Variants in EVC observed in about 807,000 individuals in gnomAD.
EVC encodes evC complex member EVC.
Under a neutral mutation model 118.9 loss-of-function variants are expected in EVC, and 116 were observed. That is an observed-to-expected ratio of 0.98 (90% CI 0.84 to 1.14). The LOEUF (loss-of-function observed/expected upper bound fraction) is 1.14, where lower values mean the gene tolerates loss of function less well. EVC is among the 50% of genes most tolerant of loss of function. EVC has a pLI of 0.00. For synonymous variants in EVC, 619 were observed against 534.7 expected (o/e 1.16, Z -2.18); for missense variants, 1,401 against 1,246.4 (o/e 1.12, Z -1.87).
intron 12 of EVC, among the ~76,000 whole-genome samples, chr4:5,785,860 C>T (rs533333711): frequency 6.6e-6 from 1 of 152,284 alleles, no homozygotes; most frequent in South Asian, 2.1e-4. Flanking sequence ...CTATTCATTC[C>T]AAATCCTAGG....
Position 5,731,078 on chromosome 4 carries a change from G to A in EVC, c.385-347G>A, listed in dbSNP as rs973166429. Among the ~76,000 whole-genome samples the A allele has an allele frequency of 7.9e-5, 12 of 152,170 alleles. No individual in the cohort carries two copies. In the East Asian group the frequency reaches 2.3e-3, roughly 30 times the overall value. On this transcript the variant is annotated intron_variant, in intron 3 of 20. Coordinates refer to ENST00000264956, the MANE Select transcript of EVC (RefSeq NM_153717.3). The surrounding 1 kb of genome is among the most constrained non-coding windows in gnomAD (Gnocchi z 5.6). ...GGGGTCAGCAGCAAGGAGAGAACTG[G>A]GTCAGGGCAAGCGGTGGCTATGGAG...
At chr4:5,770,093 T>A (rs912483713) in intron 11 of EVC, among the ~76,000 whole-genome samples, 1 of 152,016 alleles carries the variant, frequency 6.6e-6, no homozygotes, top group African/African-American at 2.4e-5. Context: ...AGCTTCTGGG[T>A]GTCCTCTCCT....
chr4:5,773,374 C>T (rs540347308), intron 11 of EVC, among the ~76,000 whole-genome samples: 39 of 152,206 alleles, frequency 2.6e-4, no homozygotes, highest in African/African-American at 9.2e-4. Context: ...CTCCATGTCC[C>T]TCCCATCTTC....
At chr4:5,781,271 T>C (rs540074838) in intron 11 of EVC, among the ~76,000 whole-genome samples, 3 of 151,996 alleles carry the variant, frequency 2.0e-5, no homozygotes, top group African/African-American at 7.2e-5. Flanking sequence ...AGCACGTGCT[T>C]GGTTGGGGAG....
rs1730950673 is a variant in EVC, at chr4:5,755,036, G to A, written c.1464+1103G>A. Among the ~76,000 whole-genome samples, 1 of 152,102 alleles carries A rather than the reference G, an allele frequency of 6.6e-6. No homozygotes were observed. Among genetic ancestry groups the A allele is most frequent in the Non-Finnish European group, 1.5e-5 (1 of 67,982 alleles). ...CCAATGGAGGGGTCCCCCGAGAACAGAGGACAGGCCTCTAGGTCCCTGGTC... is the reference window on the plus strand; with the variant it reads ...CCAATGGAGGGGTCCCCCGAGAACAAAGGACAGGCCTCTAGGTCCCTGGTC... On this transcript the variant is annotated intron_variant, in intron 10 of 20. Coordinates refer to ENST00000264956, the MANE Select transcript of EVC (RefSeq NM_153717.3). This position sits in a 1 kb window ranked among gnomAD's most constrained non-coding sequence, Gnocchi z 4.1.
At chr4:5,748,682 A>C (rs1326972917) in intron 8 of EVC, among the ~76,000 whole-genome samples, 4 of 96,000 alleles carry the variant, frequency 4.2e-5, no homozygotes, top group African/African-American at 1.8e-4. Context: ...CCATCCATCC[A>C]CCCACCCATC....
At position 5,762,224 on chromosome 4, in the gene EVC, A is replaced by G. The variant is rs9996751; in HGVS notation, c.1563+5862A>G. 5.6e-5 allele frequency among the ~76,000 whole-genome samples: 5 copies of G among 89,412 alleles called. 1 individual carries two copies. The highest frequency in any genetic ancestry group is 2.0e-4 in the African/African-American group (5 of 24,864). The allele number at this position is 89,412 out of a possible 152,430, so 58.7% of individuals were successfully genotyped here. A position where few individuals can be genotyped will look rare whatever the true frequency, so the allele number is the denominator to read the frequency against. On this transcript the variant is annotated intron_variant, in intron 11 of 20. Transcript: ENST00000264956. ...ATTTCATCCATGTCCCTACAAAGGT[A>G]ATGAACTCATCATTTTTTATGACTG...
chr4:5,756,208 A>G lies in EVC; in HGVS notation c.1465-56A>G. On this transcript the variant is annotated intron_variant, in intron 10 of 20. Coordinates refer to ENST00000264956, the MANE Select transcript of EVC (RefSeq NM_153717.3). This position sits in a 1 kb window ranked among gnomAD's most constrained non-coding sequence, Gnocchi z 4.2. ...GGGATGGTTGGAGAACCTTCTGGAA[A>G]AAAAAAAAAAAACCCTGCATGTTTC... The G allele has an allele frequency of 1.4e-6, 2 of 1,384,318 alleles. No individual in the cohort carries two copies. Among genetic ancestry groups the G allele is most frequent in the Non-Finnish European group, 2.0e-6 (2 of 1,000,486 alleles). 85.8% of individuals were successfully genotyped at this position (1,384,318 alleles called of 1,614,324 possible).
chr4:5,777,391 C>T (rs373139282), intron 11 of EVC, among the ~76,000 whole-genome samples: 1 of 152,110 alleles, frequency 6.6e-6, no homozygotes, highest in African/African-American at 2.4e-5. Context: ...ACCAGGCCCC[C>T]ACCCGTAATG....
At position 5,797,113 on chromosome 4, in the gene EVC, A is replaced by C; in HGVS notation, c.1978A>C (p.Thr660Pro). 1 of 1,613,572 alleles carries C rather than the reference A, an allele frequency of 6.2e-7. No homozygotes were observed. Among genetic ancestry groups the C allele is most frequent in the Non-Finnish European group, 8.5e-7 (1 of 1,179,998 alleles). Residue 660 changes from threonine to proline, a missense_variant, in exon 14 of 21, where the codon ACG becomes CCG. Transcript: ENST00000264956. ...ALRGNALATL[T>P]QMRLSGKKHL... The stretch of plus-strand genomic sequence containing the variant: ...CCGCGGCAACGCCCTGGCCACCCTG[A>C]CGCAGATGCGGCTATCGGGGAAGAA...
the EVC span, chr4:5,826,515 T>C: frequency 0.054 from 8,188 of 150,514 alleles, 230 homozygotes; most frequent in African/African-American, 0.063. Flanking sequence ...GCCACAGCCC[T>C]AGCCCCACTG....
intron 8 of EVC, among the ~76,000 whole-genome samples, chr4:5,748,535 CCCATCCATCCAT>C (rs1729738225): frequency 2.3e-5 from 3 of 132,482 alleles, no homozygotes; most frequent in East Asian, 2.4e-4. Flanking sequence ...CATCCATCTA[CCCATCCATCCAT>C]CTGCCCTCCC....
the EVC span, chr4:5,824,575 C>A: frequency 1.0e-6 from 1 of 969,882 alleles, no homozygotes; most frequent in Non-Finnish European, 1.2e-6. Flanking sequence ...GGTCCATTGA[C>A]CAAATCCGGC....
intron 8 of EVC, among the ~76,000 whole-genome samples, chr4:5,752,005 A>T (rs59060221): frequency 0.016 from 2,399 of 152,288 alleles, 64 homozygotes; most frequent in African/African-American, 0.053. Flanking sequence ...AACCATCAGC[A>T]TCTCTGAAAG....
chr4:5,786,019 G>A (rs182854036), intron 12 of EVC, among the ~76,000 whole-genome samples: 221 of 152,248 alleles, frequency 1.5e-3, no homozygotes, highest in Middle Eastern at 0.014. Context: ...TTTGCAGCCA[G>A]GCCCCTAACC....
At chr4:5,740,828 G>T (rs577015330) in intron 5 of EVC, among the ~76,000 whole-genome samples, 1 of 152,236 alleles carries the variant, frequency 6.6e-6, no homozygotes, top group Admixed American at 6.5e-5. Flanking sequence ...AAGTAAACAC[G>T]TAAAAAGGTG....
At chr4:5,815,120 G>T (rs931533328), downstream of EVC, among the ~76,000 whole-genome samples, 3 of 152,094 alleles carry the variant, frequency 2.0e-5, no homozygotes, top group African/African-American at 7.2e-5. Flanking sequence ...AGGGAACAGT[G>T]GTCTTAAGGA....
chr4:5,805,452 C>T (rs1426871907), intron 17 of EVC, among the ~76,000 whole-genome samples: 6 of 152,154 alleles, frequency 3.9e-5, no homozygotes, highest in Admixed American at 2.6e-4. Flanking sequence ...TGTCAGGAAA[C>T]GCCCTGCTGC....
chr4:5,822,397 G>T, the EVC span, among the ~76,000 whole-genome samples: 2 of 151,038 alleles, frequency 1.3e-5, no homozygotes, highest in Admixed American at 6.6e-5. Context: ...TATTGTGTGT[G>T]TACACATTTG....
Sources: allele counts gnomAD v4.1 joint callset (sites outside exome capture counted in the v4.1 genomes callset), GRCh38; gene constraint gnomAD v4.1.1; non-coding constraint Gnocchi (gnomAD v3.1); transcripts MANE v1.5; gene names NCBI Gene and HGNC (gene_info 2026-07-23, HGNC 2026-07-21).